The following KIAA1217 variants were observed in gnomAD, a reference collection of about 807,000 sequenced individuals.
KIAA1217 encodes the protein sickle tail protein homolog.
In KIAA1217, 88 loss-of-function variants were observed where a neutral mutation model predicts 163.9. That is an observed-to-expected ratio of 0.54 (90% CI 0.45 to 0.64). The LOEUF is 0.64. Ranked by LOEUF, KIAA1217 falls within the 30% of genes least tolerant of loss-of-function variation. KIAA1217 has a pLI of 0.00. For synonymous variants in KIAA1217, 903 were observed against 923.1 expected, an observed-to-expected ratio of 0.98 and a Z score of 0.39; for missense variants, 2,372 against 2,475.0, an observed-to-expected ratio of 0.96 and a Z score of 0.88.
chr10:24,168,631 C>G (rs923460162), intron 2 of KIAA1217, among the ~76,000 whole-genome samples: 21 of 152,078 alleles, frequency 1.4e-4, no homozygotes, highest in Admixed American at 2.6e-4. Flanking sequence ...GTGGGAAGAA[C>G]GAGCAGACTG....
intron 2 of KIAA1217, among the ~76,000 whole-genome samples, chr10:24,051,774 T>C (rs1470492560): frequency 6.6e-6 from 1 of 152,202 alleles, no homozygotes; most frequent in Non-Finnish European, 1.5e-5. Context: ...TCTATTCATG[T>C]CCTTTGCCCA....
intron 2 of KIAA1217, among the ~76,000 whole-genome samples, chr10:24,102,665 A>T (rs1425463646): frequency 1.3e-5 from 2 of 152,260 alleles, no homozygotes; most frequent in African/African-American, 2.4e-5. Flanking sequence ...AGTAATCAAG[A>T]TAATGTGGTA....
intron 2 of KIAA1217, among the ~76,000 whole-genome samples, chr10:24,342,117 T>C (rs1317050949): frequency 6.6e-6 from 1 of 152,214 alleles, no homozygotes; most frequent in Admixed American, 6.5e-5. Context: ...TCCTAGTCAC[T>C]GGGGAGCTCT....
At chr10:24,434,482 C>T (rs148222681) in intron 4 of KIAA1217, among the ~76,000 whole-genome samples, 73 of 152,292 alleles carry the variant, frequency 4.8e-4, no homozygotes, top group Middle Eastern at 3.4e-3. Flanking sequence ...GCACTACCGG[C>T]ACATGCCACC....
At chr10:24,010,856 A>G (rs947074147) in intron 2 of KIAA1217, among the ~76,000 whole-genome samples, 2 of 152,146 alleles carry the variant, frequency 1.3e-5, no homozygotes, top group African/African-American at 4.8e-5. Flanking sequence ...TGGGGGTTCC[A>G]GCTGGTCATG....
At chr10:24,208,941 G>C (rs900819580), upstream of KIAA1217, 3 of 338,438 alleles carry the variant, frequency 8.9e-6, no homozygotes, top group Middle Eastern at 9.8e-4. Context: ...GCCTGAGGAC[G>C]GACGGACGGA....
At chr10:24,260,748 A>C (rs1232299406) in intron 2 of KIAA1217, among the ~76,000 whole-genome samples, 1 of 152,090 alleles carries the variant, frequency 6.6e-6, no homozygotes, top group Admixed American at 6.6e-5. Context: ...ATCTCTTAAA[A>C]AAAAAAGGAG....
chr10:23,968,272 T>C (rs911815008), intron 1 of KIAA1217, among the ~76,000 whole-genome samples: 1 of 152,170 alleles, frequency 6.6e-6, no homozygotes, highest in Non-Finnish European at 1.5e-5. Context: ...GTTTAATATA[T>C]GATGAGGCAT....
intron 2 of KIAA1217, among the ~76,000 whole-genome samples, chr10:24,140,744 G>A (rs994017950): frequency 6.6e-6 from 1 of 152,132 alleles, no homozygotes; most frequent in Non-Finnish European, 1.5e-5. Context: ...GATAAGGTGG[G>A]GCTGCTGTAT....
chr10:24,547,674 A>G lies in KIAA1217; in HGVS notation c.*1350A>G, dbSNP rs1056507206. ...ATTAATTGCAAGTGTGGTGCCTTGG[A>G]TGTGGCCTGTTGGCTCGCTTTCTTC... is the stretch of plus-strand genomic sequence containing the variant. On this transcript the variant is annotated 3_prime_UTR_variant, in exon 21 of 21. Coordinates refer to ENST00000376454, the MANE Select transcript of KIAA1217 (RefSeq NM_019590.5). 6.6e-6 allele frequency: 1 copy of G among 152,080 alleles called. No homozygotes were observed. The highest frequency in any genetic ancestry group is 1.5e-5 in the Non-Finnish European group (1 of 68,014). The allele number at this position is 152,080 out of a possible 1,614,324, so 9.4% of individuals were successfully genotyped here. A position where few individuals can be genotyped will look rare whatever the true frequency, so the allele number is the denominator to read the frequency against.
At position 23,856,189 on chromosome 10, in the gene KIAA1217, G is replaced by A. The variant is rs1839650734; in HGVS notation, c.-320-151036G>A. Among the ~76,000 whole-genome samples the A allele has an allele frequency of 2.0e-5, 3 of 152,152 alleles. No homozygotes were observed. The South Asian group carries it at 6.2e-4, about 32-fold the overall frequency. Reference sequence around the variant, plus strand: ...GATGGTGATGTACAGATGGGTTTTTGGTGCGGATGTCCTTTCTGTTTGTTA... The same window carrying A: ...GATGGTGATGTACAGATGGGTTTTTAGTGCGGATGTCCTTTCTGTTTGTTA... On this transcript the variant is annotated intron_variant, in intron 1 of 18. Transcript: ENST00000376462.
chr10:24,445,142 A>G (rs560454016), intron 5 of KIAA1217, among the ~76,000 whole-genome samples: 1 of 152,292 alleles, frequency 6.6e-6, no homozygotes, highest in African/African-American at 2.4e-5. Flanking sequence ...ACTCTGGCAA[A>G]GTGGGTATAC....
At chr10:24,439,665 C>T (rs1327669753) in intron 5 of KIAA1217, among the ~76,000 whole-genome samples, 26 of 127,962 alleles carry the variant, frequency 2.0e-4, no homozygotes, top group African/African-American at 4.2e-4. Context: ...TTTTTTTTTT[C>T]CCCCAACTTC....
intron 2 of KIAA1217, among the ~76,000 whole-genome samples, chr10:24,135,949 C>T (rs1188500896): frequency 6.6e-6 from 1 of 152,168 alleles, no homozygotes; most frequent in Non-Finnish European, 1.5e-5. Flanking sequence ...AAACAGGAGA[C>T]AGAACTTTTC....
intron 2 of KIAA1217, among the ~76,000 whole-genome samples, chr10:24,086,345 C>T (rs2061697840): frequency 1.3e-5 from 2 of 152,202 alleles, no homozygotes; most frequent in African/African-American, 4.8e-5. Flanking sequence ...TTTGAGAGTA[C>T]AGACACTCGT....
At chr10:24,252,208 C>T (rs190958447) in intron 2 of KIAA1217, among the ~76,000 whole-genome samples, 1 of 152,096 alleles carries the variant, frequency 6.6e-6, no homozygotes, top group Admixed American at 6.5e-5. Flanking sequence ...TCTTCACCAA[C>T]CCACAAAAAG....
intron 2 of KIAA1217, among the ~76,000 whole-genome samples, chr10:24,356,809 T>A (rs1430303988): frequency 6.6e-6 from 1 of 152,306 alleles, no homozygotes; most frequent in Admixed American, 6.5e-5. Flanking sequence ...TCCAGAACCA[T>A]GAGGAATGAA....
At chr10:24,224,598 G>A (rs1403000748) in intron 2 of KIAA1217, among the ~76,000 whole-genome samples, 4 of 152,076 alleles carry the variant, frequency 2.6e-5, no homozygotes, top group African/African-American at 9.7e-5. Context: ...GGGATTACAG[G>A]TGTGAGCCAC....
intron 17 of KIAA1217, among the ~76,000 whole-genome samples, chr10:24,541,090 C>T (rs1473250595): frequency 6.6e-6 from 1 of 151,046 alleles, no homozygotes; most frequent in Non-Finnish European, 1.5e-5. Context: ...TTTATTTTTG[C>T]GTATATGTGA....
Sources: gnomAD v4.1 joint callset for allele counts (sites outside exome capture counted in the v4.1 genomes callset) on GRCh38, gnomAD v4.1.1 for gene constraint, MANE v1.5 for transcripts, NCBI Gene and HGNC (gene_info 2026-07-23, HGNC 2026-07-21) for gene names.